NRXN3: variants seen among roughly 807,000 people sequenced by gnomAD.
The protein encoded by NRXN3 is neurexin III.
A neutral mutation model predicts 137.6 loss-of-function variants in NRXN3; 32 were observed. The ratio of observed to expected loss-of-function variants is 0.23; its 90% CI spans 0.18 to 0.31. The LOEUF (loss-of-function observed/expected upper bound fraction) is 0.31, where lower values mean the gene tolerates loss of function less well. Ranked by LOEUF, NRXN3 falls within the 10% of genes least tolerant of loss-of-function variation. NRXN3 has a pLI of 1.00. For missense variants in NRXN3, 1,574 were observed against 2,062.5 expected, an observed-to-expected ratio of 0.76 and a Z score of 4.59; for synonymous variants, 798 against 784.5, an observed-to-expected ratio of 1.02 and a Z score of -0.29.
At chr14:78,331,050 T>G (rs1044711742) in intron 4 of NRXN3, among the ~76,000 whole-genome samples, 6 of 152,202 alleles carry the variant, frequency 3.9e-5, no homozygotes, top group Non-Finnish European at 8.8e-5. Flanking sequence ...GGGTCAGGGC[T>G]CTAGTTCTTA....
At chr14:78,475,610 C>A (rs2110425) in intron 4 of NRXN3, among the ~76,000 whole-genome samples, 2 of 152,126 alleles carry the variant, frequency 1.3e-5, no homozygotes, top group Non-Finnish European at 2.9e-5. Context: ...TAGAGCACAG[C>A]CAAAGCCTAC....
rs869266975 is a variant in NRXN3, at chr14:79,059,250, C to CTTTTTTTTTTTTTTTTTTTTT, written c.3262+71114_3262+71134dup. Among the ~76,000 whole-genome samples the CTTTTTTTTTTTTTTTTTTTTT allele has an allele frequency of 8.8e-4, 69 of 78,272 alleles. 2 individuals carry two copies. Among genetic ancestry groups the CTTTTTTTTTTTTTTTTTTTTT allele is most frequent in the Middle Eastern group, 7.7e-3 (1 of 130 alleles). The allele number at this position is 78,272 out of a possible 152,430, so 51.3% of individuals were successfully genotyped here. ...AAGAAGGCTGCCTTCAGGCCCTATTCTTTTTTTTTTTTTTTTTTTTTTTTT... is the reference window on the plus strand; with the variant it reads ...AAGAAGGCTGCCTTCAGGCCCTATTCTTTTTTTTTTTTTTTTTTTTTTTTTTTTTTTTTTTTTTTTTTTTTT... On this transcript the variant is annotated intron_variant, in intron 15 of 20. Coordinates refer to ENST00000335750, the MANE Select transcript of NRXN3 (RefSeq NM_001330195.2).
chr14:78,927,150 C>CTCTTGAGAA (rs546385554), intron 10 of NRXN3, among the ~76,000 whole-genome samples: 4,967 of 111,660 alleles, frequency 0.044, 544 homozygotes, highest in African/African-American at 0.16. Flanking sequence ...GTGAGACCCT[C>CTCTTGAGAA]AAAAAAAAAA....
intron 15 of NRXN3, among the ~76,000 whole-genome samples, chr14:79,346,558 C>T (rs2092896125): frequency 6.6e-6 from 1 of 152,180 alleles, no homozygotes; most frequent in African/African-American, 2.4e-5. Context: ...CTCTTTCTTA[C>T]TGCCTGGAAA....
At chr14:78,494,384 G>A (rs913974358) in intron 4 of NRXN3, among the ~76,000 whole-genome samples, 2 of 149,322 alleles carry the variant, frequency 1.3e-5, no homozygotes, top group African/African-American at 2.4e-5. Context: ...GGTAAAGGGA[G>A]TAAGACCTCA....
At chr14:78,922,714 G>A (rs1274410112) in intron 10 of NRXN3, among the ~76,000 whole-genome samples, 1 of 152,102 alleles carries the variant, frequency 6.6e-6, no homozygotes, top group South Asian at 2.1e-4. Flanking sequence ...AGGGGAGCAG[G>A]GGGAGGGAGA....
intron 15 of NRXN3, among the ~76,000 whole-genome samples, chr14:79,035,270 G>A (rs1347018637): frequency 6.6e-6 from 1 of 152,082 alleles, no homozygotes; most frequent in Non-Finnish European, 1.5e-5. Context: ...GGTTAAGAAT[G>A]AAGATATTAA....
At chr14:79,833,675 G>A (rs2099329401) in intron 20 of NRXN3, among the ~76,000 whole-genome samples, 1 of 152,094 alleles carries the variant, frequency 6.6e-6, no homozygotes, top group Non-Finnish European at 1.5e-5. Context: ...TCTCACTGAA[G>A]TCCTTCTAAA....
chr14:78,963,785 G>A (rs2099412568), intron 11 of NRXN3, among the ~76,000 whole-genome samples: 1 of 152,108 alleles, frequency 6.6e-6, no homozygotes, highest in Non-Finnish European at 1.5e-5. Flanking sequence ...GGGAATATAA[G>A]AAATTTTATT....
chr14:79,674,444 C>T (rs957194529), intron 17 of NRXN3, among the ~76,000 whole-genome samples: 13 of 152,026 alleles, frequency 8.6e-5, no homozygotes, highest in African/African-American at 3.1e-4. Context: ...AAGTATTAAT[C>T]TCCCTCATTT....
intron 1 of NRXN3, among the ~76,000 whole-genome samples, chr14:78,215,329 T>G (rs558029722): frequency 6.6e-6 from 1 of 152,222 alleles, no homozygotes; most frequent in South Asian, 2.1e-4. Context: ...GTGTTTTAGC[T>G]TCTGGGTCCC....
At chr14:79,788,506 G>T (rs920749095) in intron 19 of NRXN3, among the ~76,000 whole-genome samples, 1 of 152,110 alleles carries the variant, frequency 6.6e-6, no homozygotes, top group Non-Finnish European at 1.5e-5. Flanking sequence ...TCTCTGACTC[G>T]CTGATATCCA....
chr14:78,372,043 A>G (rs1249162022), intron 4 of NRXN3, among the ~76,000 whole-genome samples: 2 of 152,024 alleles, frequency 1.3e-5, no homozygotes, highest in Admixed American at 1.3e-4. Flanking sequence ...TGACAGAATT[A>G]CAGTCTACAG....
chr14:79,057,840 TGTG>T (rs1472267353), intron 15 of NRXN3, among the ~76,000 whole-genome samples: 1 of 151,832 alleles, frequency 6.6e-6, no homozygotes, highest in Non-Finnish European at 1.5e-5. Flanking sequence ...GAAGGAGAGA[TGTG>T]GTGCCATTCC....
In NRXN3 at chr14:78,706,761, A is replaced by T. The variant is rs542574286; in HGVS notation, c.1222-2456A>T. On this transcript the variant is annotated intron_variant, in intron 6 of 20. Coordinates refer to ENST00000335750, the MANE Select transcript of NRXN3 (RefSeq NM_001330195.2). ...ATTTTCAATGTTATTGACTATGGTT[A>T]GGTCCACGGTCAAGGTTACATAATA... 1.7e-4 allele frequency among the ~76,000 whole-genome samples: 26 copies of T among 152,326 alleles called. No homozygotes were observed. In the Middle Eastern group the frequency reaches 0.01, roughly 60 times the overall value.
At chr14:79,677,984 C>T (rs1445191188) in intron 17 of NRXN3, among the ~76,000 whole-genome samples, 3 of 152,172 alleles carry the variant, frequency 2.0e-5, no homozygotes, top group African/African-American at 2.4e-5. Flanking sequence ...CTAGCTTATT[C>T]TGTGGCTGCA....
intron 8 of NRXN3, among the ~76,000 whole-genome samples, chr14:78,768,763 A>T (rs188892263): frequency 7.2e-5 from 11 of 152,304 alleles, no homozygotes; most frequent in African/African-American, 2.6e-4. Flanking sequence ...TTTGGACGCT[A>T]AAATGCCAAT....
intron 12 of NRXN3, 122 bp downstream of exon 12, chr14:78,966,528 C>T (rs572758453): frequency 3.4e-5 from 35 of 1,018,402 alleles, no homozygotes; most frequent in African/African-American, 1.9e-4. Context: ...GACACATTCT[C>T]GCATCTTCCT....
intron 10 of NRXN3, among the ~76,000 whole-genome samples, chr14:78,925,983 A>T (rs901953648): frequency 2.6e-5 from 4 of 152,316 alleles, no homozygotes; most frequent in African/African-American, 9.6e-5. Context: ...CTATTCAATA[A>T]ACATAAAAAT....
Sources: allele counts gnomAD v4.1 joint callset (sites outside exome capture counted in the v4.1 genomes callset), GRCh38; gene constraint gnomAD v4.1.1; transcripts MANE v1.5; gene names NCBI Gene and HGNC (gene_info 2026-07-23, HGNC 2026-07-21).